IKBIP: variants seen among roughly 807,000 people sequenced by gnomAD.
IKBIP encodes inhibitor of nuclear factor kappa-B kinase-interacting protein.
A neutral mutation model predicts 31.0 loss-of-function variants in IKBIP; 28 were observed. The observed-to-expected ratio is 0.90, with a 90% CI of 0.67 to 1.24. The LOEUF is 1.24. Ranked by LOEUF, IKBIP falls within the 50% of genes most tolerant of loss-of-function variation. The probability of loss-of-function intolerance (pLI) is 0.00; values close to 1 mark genes in which losing one functional copy is unlikely to be tolerated. For synonymous variants in IKBIP, 164 were observed against 160.3 expected (o/e 1.02, Z -0.17); for missense variants, 453 against 441.9 (o/e 1.03, Z -0.23).
intron 1 of IKBIP, among the ~76,000 whole-genome samples, chr12:98,643,747 A>C (rs1247550096): frequency 1.3e-5 from 2 of 152,196 alleles, no homozygotes; most frequent in Non-Finnish European, 2.9e-5. Context: ...ACGGTGATCA[A>C]AATATGAGCA....
In IKBIP at chr12:98,626,541, A is replaced by G. The variant is rs781364553; in HGVS notation, c.523T>C (p.Ser175Pro). ...EMNINTDIFK[S>P]EAKHIHSQVT... ...TGAGAATGTATATGTTTTGCTTCTG[A>G]TTTGAAAATGTCTGTATTAATGTTC... Residue 175 changes from serine (S) to proline (P), a missense_variant, in exon 3 of 3, where the codon TCA becomes CCA. Coordinates refer to ENST00000299157, the MANE Select transcript of IKBIP (RefSeq NM_153687.4). 3.0e-5 allele frequency: 48 copies of G among 1,612,862 alleles called. No individual in the cohort carries two copies. The highest frequency in any genetic ancestry group is 3.8e-5 in the Non-Finnish European group (45 of 1,179,530).
At chr12:98,620,675 A>T (rs1039263944), downstream of IKBIP, among the ~76,000 whole-genome samples, 2 of 152,028 alleles carry the variant, frequency 1.3e-5, no homozygotes, top group Non-Finnish European at 2.9e-5. Context: ...AGGTTCTTTG[A>T]ATTCTATTAA....
Position 98,625,965 on chromosome 12 carries a change from T to C in IKBIP, c.1099A>G (p.Asn367Asp). 2 of 1,430,886 alleles carry C rather than the reference T, an allele frequency of 1.4e-6. No homozygotes were observed. Among genetic ancestry groups the C allele is most frequent in the Non-Finnish European group, 1.9e-6 (2 of 1,069,892 alleles). The allele number at this position is 1,430,886 out of a possible 1,614,324, so 88.6% of individuals were successfully genotyped here. A position where few individuals can be genotyped will look rare whatever the true frequency, so the allele number is the denominator to read the frequency against. Residue 367 changes from asparagine to aspartate, a missense_variant, in exon 3 of 3, where the codon AAT (asparagine) becomes GAT (aspartate). By Grantham distance (23) the Asn-to-Asp change is conservative. Coordinates refer to ENST00000299157, the MANE Select transcript of IKBIP (RefSeq NM_153687.4). Reference sequence around the variant, plus strand: ...CCACCAATTCCTTTATTTTCTATATTATATTCTTTTAAAGTTCCCTTTTCT... The same window carrying C: ...CCACCAATTCCTTTATTTTCTATATCATATTCTTTTAAAGTTCCCTTTTCT... The part of the protein sequence containing the change: ...TGEKGTLKEY[N>D]IENKGIGGDF
chr12:98,626,888 T>C (rs369572508), intron 2 of IKBIP, 122 bp from the exon 3 acceptor site: 1 of 682,090 alleles, frequency 1.5e-6, no homozygotes, highest in Non-Finnish European at 2.5e-6. Flanking sequence ...GTCTAAAATA[T>C]CCAAGTATAT....
In IKBIP at chr12:98,626,281, G is replaced by GT; in HGVS notation, c.782dup (p.Asp261GlufsTer7). ...TGCATTCTTCAACTTTGGGTTCGTA[G>GT]TCGGAAAGTTTATTAGTCAGATCTT... On this transcript the variant is annotated frameshift_variant, in exon 3 of 3. Transcript: ENST00000299157. LOFTEE classifies it high-confidence loss of function. The GT allele has an allele frequency of 1.2e-6, 2 of 1,614,160 alleles. No homozygotes were observed. Among genetic ancestry groups the GT allele is most frequent in the Non-Finnish European group, 1.7e-6 (2 of 1,180,012 alleles).
At chr12:98,620,587 G>A (rs1051894913), downstream of IKBIP, among the ~76,000 whole-genome samples, 5 of 151,840 alleles carry the variant, frequency 3.3e-5, no homozygotes, top group African/African-American at 7.3e-5. Flanking sequence ...GGATGGTCTC[G>A]ATCTCCTGAC....
intron 1 of IKBIP, 53 bp from the exon 2 acceptor site, chr12:98,634,466 G>T: frequency 2.3e-6 from 2 of 884,056 alleles, no homozygotes; most frequent in Admixed American, 2.1e-5. Context: ...ATTTAAATCC[G>T]AATTTCAAAG....
At chr12:98,617,313 T>A (rs1436697051) in intron 2 of IKBIP, among the ~76,000 whole-genome samples, 2 of 152,238 alleles carry the variant, frequency 1.3e-5, no homozygotes, top group Admixed American at 6.5e-5. Flanking sequence ...TCTTCCCCAC[T>A]ATACATTATG....
At chr12:98,634,740 C>T (rs1207343770) in intron 1 of IKBIP, among the ~76,000 whole-genome samples, 2 of 147,282 alleles carry the variant, frequency 1.4e-5, no homozygotes, top group Non-Finnish European at 3.0e-5. Flanking sequence ...GATGGAGTCT[C>T]ACTCTGTCGC....
Position 98,626,026 on chromosome 12 carries a change from T to C in IKBIP, c.1038A>G (p.Glu346=), listed in dbSNP as rs2097613889. The change falls in exon 3 of 3, where the codon GAA becomes GAG. Residue 346 remains glutamate, a synonymous_variant. Coordinates refer to ENST00000299157, the MANE Select transcript of IKBIP (RefSeq NM_153687.4). ...KMQNELDILK[E]KVHDFIAYSS... The stretch of plus-strand genomic sequence containing the variant: ...AGTATGCTATAAAATCATGAACTTT[T>C]TCTTTTAGAATATCCAGTTCATTTT... 7.0e-6 allele frequency: 11 copies of C among 1,569,204 alleles called. No individual in the cohort carries two copies. In the South Asian group the frequency reaches 1.1e-4, roughly 15 times the overall value.
intron 2 of IKBIP, among the ~76,000 whole-genome samples, chr12:98,617,179 G>C (rs1213777871): frequency 6.6e-6 from 1 of 152,208 alleles, no homozygotes; most frequent in Non-Finnish European, 1.5e-5. Flanking sequence ...TATAACTCGA[G>C]TTGTGGCCTC....
chr12:98,614,146 C>T (rs776354414), exon 3 of IKBIP: 2 of 1,613,592 alleles, frequency 1.2e-6, no homozygotes, highest in African/African-American at 2.7e-5. Flanking sequence ...CATCTTTTGC[C>T]ATGGAAGTTG....
rs758601088 is a variant in IKBIP at position 98,626,519 on chromosome 12, G to T, written c.545C>A (p.Ser182Tyr). The change falls in exon 3 of 3, where the codon TCT (serine) becomes TAT (tyrosine). Residue 182 changes from serine to tyrosine, a missense_variant. Transcript: ENST00000299157. Reference sequence around the variant, plus strand: ...TGAGTTAATTTGGACAGTTACTTGAGAATGTATATGTTTTGCTTCTGATTT... The same window carrying T: ...TGAGTTAATTTGGACAGTTACTTGATAATGTATATGTTTTGCTTCTGATTT... ...IFKSEAKHIH[S>Y]QVTVQINSAE... The T allele has an allele frequency of 8.7e-6, 14 of 1,613,238 alleles. No individual in the cohort carries two copies. Among genetic ancestry groups the T allele is most frequent in the Admixed American group, 1.7e-5 (1 of 59,992 alleles).
At chr12:98,617,088 C>A (rs1460310673) in intron 2 of IKBIP, among the ~76,000 whole-genome samples, 1 of 152,184 alleles carries the variant, frequency 6.6e-6, no homozygotes, top group Non-Finnish European at 1.5e-5. Context: ...ATCTAACTAT[C>A]CATGAGACCT....
At chr12:98,622,323 T>C (rs537161967), downstream of IKBIP, among the ~76,000 whole-genome samples, 12 of 152,168 alleles carry the variant, frequency 7.9e-5, no homozygotes, top group East Asian at 2.1e-3. Context: ...CCCAGGAGTT[T>C]GAGACCAGCC....
rs1171308944 is a variant in IKBIP, at chr12:98,626,219, G to C, written c.845C>G (p.Ser282Cys). The stretch of plus-strand genomic sequence containing the variant: ...CAGATCCTGAGAGACTCTGAGAACA[G>C]AGTGAATAGCACTTTCAATTGTTGG... ...HLPTIESAIH[S>C]VLRVSQDLIE... The change falls in exon 3 of 3, where the codon TCT becomes TGT. Residue 282 changes from serine to cysteine, a missense_variant. Coordinates refer to ENST00000299157, the MANE Select transcript of IKBIP (RefSeq NM_153687.4). 2 of 1,614,144 alleles carry C rather than the reference G, an allele frequency of 1.2e-6. No individual in the cohort carries two copies. The highest frequency in any genetic ancestry group is 1.7e-5 in the Admixed American group (1 of 60,032).
downstream of IKBIP, among the ~76,000 whole-genome samples, chr12:98,621,682 T>C (rs2097610255): frequency 6.6e-6 from 1 of 152,180 alleles, no homozygotes. Flanking sequence ...AGTCTCCATT[T>C]CCTTATTTGT....
At chr12:98,632,148 C>A (rs1486080676) in intron 2 of IKBIP, among the ~76,000 whole-genome samples, 1 of 151,928 alleles carries the variant, frequency 6.6e-6, no homozygotes, top group Non-Finnish European at 1.5e-5. Flanking sequence ...GCCACCGCGT[C>A]CGGCCTTCAA....
Position 98,626,501 on chromosome 12 carries a change from ATT to A in IKBIP, c.561_562del (p.Gln187HisfsTer2), listed in dbSNP as rs2097614551. The stretch of plus-strand genomic sequence containing the variant: ...TTTTATTTCCTGCTCAGCTGAGTTA[ATT>A]TGGACAGTTACTTGAGAATGTATAT... On this transcript the variant is annotated frameshift_variant, in exon 3 of 3. Coordinates refer to ENST00000299157, the MANE Select transcript of IKBIP (RefSeq NM_153687.4). LOFTEE classifies it high-confidence loss of function. The A allele has an allele frequency of 3.7e-6, 6 of 1,613,420 alleles. No individual in the cohort carries two copies. Among genetic ancestry groups the A allele is most frequent in the African/African-American group, 1.3e-5 (1 of 74,898 alleles).
Sources: gnomAD v4.1 joint callset for allele counts (sites outside exome capture counted in the v4.1 genomes callset) on GRCh38, gnomAD v4.1.1 for gene constraint, MANE v1.5 for transcripts, NCBI Gene and HGNC (gene_info 2026-07-23, HGNC 2026-07-21) for gene names.